The following COL22A1 variants were observed in gnomAD, a reference collection of about 807,000 sequenced individuals.
COL22A1 encodes the protein collagen type XXII alpha 1 chain, also known as collagen alpha-1(XXII) chain.
Under a neutral mutation model 248.9 loss-of-function variants are expected in COL22A1, and 221 were observed. That is an observed-to-expected ratio of 0.89 (90% CI 0.80 to 0.99). The LOEUF (loss-of-function observed/expected upper bound fraction) is 0.99. COL22A1 is among the 50% of genes least tolerant of loss of function. The probability of loss-of-function intolerance (pLI) is 0.00; values close to 1 mark genes in which losing one functional copy is unlikely to be tolerated. For synonymous variants in COL22A1, 891 were observed against 793.4 expected, an observed-to-expected ratio of 1.12 and a Z score of -2.07; for missense variants, 2,240 against 2,179.0, an observed-to-expected ratio of 1.03 and a Z score of -0.56.
At chr8:138,706,699 T>C (rs1161086967) in intron 30 of COL22A1, among the ~76,000 whole-genome samples, 2 of 152,090 alleles carry the variant, frequency 1.3e-5, no homozygotes, top group African/African-American at 4.8e-5. Context: ...AGATCTAAAA[T>C]TGACACCCTA....
intron 47 of COL22A1, among the ~76,000 whole-genome samples, chr8:138,640,489 T>C (rs910433857): frequency 2.0e-5 from 3 of 152,054 alleles, no homozygotes; most frequent in South Asian, 2.1e-4. Flanking sequence ...TCTCCACCAA[T>C]AGCTGGTAAA....
intron 30 of COL22A1, among the ~76,000 whole-genome samples, chr8:138,708,374 T>C (rs1221533520): frequency 1.3e-5 from 2 of 152,196 alleles, no homozygotes; most frequent in African/African-American, 4.8e-5. Flanking sequence ...TCAGGCTACC[T>C]GATTTCAAAC....
chr8:138,592,088 G>A (rs1293599885), intron 63 of COL22A1, among the ~76,000 whole-genome samples: 1 of 152,194 alleles, frequency 6.6e-6, no homozygotes, highest in Admixed American at 6.5e-5. Flanking sequence ...CTCTCAAGAA[G>A]CTTGAAATTC....
chr8:138,865,672 C>T (rs1226863792), intron 3 of COL22A1, among the ~76,000 whole-genome samples: 2 of 120,550 alleles, frequency 1.7e-5, no homozygotes, highest in African/African-American at 3.2e-5. Flanking sequence ...TATAGGTATG[C>T]CTGTGAGTGT....
intron 41 of COL22A1, among the ~76,000 whole-genome samples, chr8:138,664,738 A>G (rs1824343604): frequency 6.6e-6 from 1 of 152,224 alleles, no homozygotes; most frequent in Admixed American, 6.5e-5. Flanking sequence ...TGTGCATTGC[A>G]AGAACATAGC....
chr8:138,694,342 C>T (rs749904824), intron 34 of COL22A1, among the ~76,000 whole-genome samples, 166 bp downstream of exon 34: 5 of 152,108 alleles, frequency 3.3e-5, no homozygotes, highest in Non-Finnish European at 7.3e-5. Flanking sequence ...GTGTCTGGGG[C>T]GTTTAGTGAG....
chr8:138,811,896 G>C lies in COL22A1; in HGVS notation c.1352C>G (p.Pro451Arg), dbSNP rs1276870426. ...CCGCTGGGGTGGGGGTGGAGGTGGA[G>C]GCTCTGTCACCACGGTCACCTGGCA... ...GPCQVTVVTE[P>R]PPPPPPQRPP... The change falls in exon 9 of 65, where the codon CCT becomes CGT. Residue 451 changes from proline (P) to arginine (R), a missense_variant. Physicochemically the swap from Pro to Arg is moderately radical, Grantham distance 103. Coordinates refer to ENST00000303045, the MANE Select transcript of COL22A1 (RefSeq NM_152888.3). 2 of 1,561,812 alleles carry C rather than the reference G, an allele frequency of 1.3e-6. No individual in the cohort carries two copies. The highest frequency in any genetic ancestry group is 4.8e-5 in the East Asian group (2 of 41,890).
At chr8:138,691,805 CGT>C (rs1467026281) in intron 35 of COL22A1, among the ~76,000 whole-genome samples, 6 of 15,894 alleles carry the variant, frequency 3.8e-4, no homozygotes, top group African/African-American at 5.4e-4. Flanking sequence ...TGTGTGTGTA[CGT>C]GTGTGTGCAT....
chr8:138,715,735 C>A lies in COL22A1; in HGVS notation c.2464G>T (p.Gly822Ter). 6.2e-7 allele frequency: 1 copy of A among 1,608,642 alleles called. No homozygotes were observed. Among genetic ancestry groups the A allele is most frequent in the African/African-American group, 1.3e-5 (1 of 74,768 alleles). The part of the protein sequence containing the change: ...PGVRGEKGDQ[G>*]EKGELGLPGL... ...GGAAGTCCCAGTTCACCTTTTTCTC[C>A]CTATAATAAAAGATAAAATTAGAAA... The change falls in exon 30 of 65, where the codon GGA becomes TGA. Residue 822 changes from glycine to a stop codon, truncating the protein, a stop_gained and splice_region_variant. Coordinates refer to ENST00000303045, the MANE Select transcript of COL22A1 (RefSeq NM_152888.3). LOFTEE classifies it high-confidence loss of function.
intron 47 of COL22A1, among the ~76,000 whole-genome samples, chr8:138,643,707 A>T (rs1260373087): frequency 2.0e-5 from 3 of 149,596 alleles, no homozygotes; most frequent in African/African-American, 7.6e-5. Flanking sequence ...ATATATTTTA[A>T]AAAATTTTTT....
chr8:138,677,038 ATTAAT>A (rs1825615982), intron 40 of COL22A1, among the ~76,000 whole-genome samples: 2 of 152,318 alleles, frequency 1.3e-5, no homozygotes, highest in East Asian at 3.9e-4. Context: ...TCACCCATAA[ATTAAT>A]TTATCAATTC....
chr8:138,878,593 TGC>T (rs1403569864), intron 2 of COL22A1, among the ~76,000 whole-genome samples: 2 of 152,208 alleles, frequency 1.3e-5, no homozygotes, highest in African/African-American at 2.4e-5. Context: ...CACAGCACTA[TGC>T]CTCAATCTCT....
At chr8:138,838,740 G>A (rs1205734613) in intron 4 of COL22A1, among the ~76,000 whole-genome samples, 2 of 151,808 alleles carry the variant, frequency 1.3e-5, no homozygotes, top group African/African-American at 2.4e-5. Context: ...TGTTCCCGAG[G>A]AAAGCAGGCT....
chr8:138,679,729 C>T, intron 39 of COL22A1, 53 bp from the exon 40 acceptor site: 2 of 1,526,676 alleles, frequency 1.3e-6, no homozygotes, highest in Non-Finnish European at 1.8e-6. Flanking sequence ...GTTTACCAAG[C>T]ACCTAAAATA....
chr8:138,725,217 G>A (rs1407372587), intron 24 of COL22A1, among the ~76,000 whole-genome samples, 170 bp downstream of exon 24: 2 of 152,208 alleles, frequency 1.3e-5, no homozygotes, highest in Non-Finnish European at 1.5e-5. Context: ...TCCGAAGGTC[G>A]GAGAGTCCAG....
At chr8:138,722,230 T>G in intron 25 of COL22A1, 141 bp from the exon 26 acceptor site, 2 of 644,806 alleles carry the variant, frequency 3.1e-6, no homozygotes, top group Non-Finnish European at 5.5e-6. Flanking sequence ...AGCAGGGCCC[T>G]GTCTCCAGAG....
At chr8:138,794,533 CAA>C (rs929502398) in intron 12 of COL22A1, among the ~76,000 whole-genome samples, 5 of 152,066 alleles carry the variant, frequency 3.3e-5, no homozygotes, top group African/African-American at 9.7e-5. Flanking sequence ...AATATTTATT[CAA>C]AAGAGTTAGA....
intron 45 of COL22A1, among the ~76,000 whole-genome samples, chr8:138,650,006 T>C (rs896840794): frequency 3.3e-5 from 5 of 152,220 alleles, no homozygotes; most frequent in African/African-American, 1.2e-4. Context: ...AGCACTGACA[T>C]ATCTGGATAT....
intron 10 of COL22A1, among the ~76,000 whole-genome samples, chr8:138,806,516 C>T (rs1399771792): frequency 2.0e-5 from 3 of 151,962 alleles, no homozygotes; most frequent in African/African-American, 4.8e-5. Context: ...CAAGGAGGGA[C>T]GCATAGGAAG....
Sources: allele counts gnomAD v4.1 joint callset (sites outside exome capture counted in the v4.1 genomes callset), GRCh38; gene constraint gnomAD v4.1.1; transcripts MANE v1.5; gene names NCBI Gene and HGNC (gene_info 2026-07-23, HGNC 2026-07-21).